ZFAT: variants seen among roughly 807,000 people sequenced by gnomAD.
ZFAT encodes the protein zinc finger protein ZFAT.
A neutral mutation model predicts 117.7 loss-of-function variants in ZFAT; 64 were observed. That is an observed-to-expected ratio of 0.54 (90% confidence interval 0.44 to 0.67). The LOEUF (loss-of-function observed/expected upper bound fraction) is 0.67, where lower values mean the gene tolerates loss of function less well. Ranked by LOEUF, ZFAT falls within the 30% of genes least tolerant of loss-of-function variation. The probability of loss-of-function intolerance (pLI) is 0.00; values close to 1 mark genes in which losing one functional copy is unlikely to be tolerated. For missense variants in ZFAT, 1,433 were observed against 1,584.5 expected (o/e 0.90, Z 1.62); for synonymous variants, 679 against 615.0 (o/e 1.10, Z -1.54).
At chr8:134,752,010 A>G in the ZFAT span, among the ~76,000 whole-genome samples, 1 of 152,152 alleles carries the variant, frequency 6.6e-6, no homozygotes, top group East Asian at 1.9e-4. Flanking sequence ...CCCTGGACAC[A>G]TTTCTTTTTT....
the ZFAT span, chr8:134,791,979 T>C: frequency 6.6e-6 from 1 of 152,170 alleles, no homozygotes; most frequent in Admixed American, 6.6e-5. Context: ...TGATACACTT[T>C]GAAGAGCAGA....
the ZFAT span, among the ~76,000 whole-genome samples, chr8:134,829,381 T>G: frequency 6.6e-6 from 1 of 152,230 alleles, no homozygotes; most frequent in East Asian, 1.9e-4. Flanking sequence ...TTAAATGATA[T>G]GGGATAAATC....
At chr8:134,519,627 T>G (rs770168633) in intron 13 of ZFAT, among the ~76,000 whole-genome samples, 2 of 152,250 alleles carry the variant, frequency 1.3e-5, no homozygotes, top group Non-Finnish European at 2.9e-5. Flanking sequence ...ATTATATGTA[T>G]AGAGAGATAC....
rs181007517 is a variant in ZFAT, at chr8:134,540,275, G to A, written c.2977-7303C>T. On this transcript the variant is annotated intron_variant, in intron 11 of 15. Coordinates refer to ENST00000377838, the MANE Select transcript of ZFAT (RefSeq NM_020863.4). ...GTAGGTGGGAGGATCAGGGGAGTGT[G>A]GAGTCTGGAACTCGATCTCCTTCCT... Among the ~76,000 whole-genome samples, 29 of 152,280 alleles carry A rather than the reference G, an allele frequency of 1.9e-4. No individual in the cohort carries two copies. The East Asian group carries it at 5.4e-3, about 28-fold the overall frequency.
chr8:134,584,959 G>C (rs571132749), intron 9 of ZFAT, among the ~76,000 whole-genome samples: 8 of 152,324 alleles, frequency 5.3e-5, no homozygotes, highest in African/African-American at 1.7e-4. Context: ...GCAGAGCTGA[G>C]TTGCACATTG....
chr8:134,634,579 A>G (rs1233406287), intron 3 of ZFAT, among the ~76,000 whole-genome samples: 1 of 149,982 alleles, frequency 6.7e-6, no homozygotes, highest in Non-Finnish European at 1.5e-5. Flanking sequence ...ACAAATATGT[A>G]TACATATTGA....
chr8:134,529,024 C>T (rs780911312), intron 12 of ZFAT, among the ~76,000 whole-genome samples: 10 of 152,330 alleles, frequency 6.6e-5, no homozygotes, highest in Non-Finnish European at 1.5e-4. Context: ...AGAATGATAT[C>T]TAATCTTTGC....
At chr8:134,571,899 G>C (rs1265183560) in intron 10 of ZFAT, among the ~76,000 whole-genome samples, 1 of 152,202 alleles carries the variant, frequency 6.6e-6, no homozygotes, top group Admixed American at 6.5e-5. Context: ...TTTTTGGAAA[G>C]GAAGTTGGCA....
chr8:134,697,442 C>G (rs1833895205), intron 1 of ZFAT, among the ~76,000 whole-genome samples: 1 of 148,862 alleles, frequency 6.7e-6, no homozygotes, highest in South Asian at 2.2e-4. Context: ...GAAGGGGTTT[C>G]ACCAGCCTGG....
In ZFAT at chr8:134,527,975, G is replaced by A. The variant is rs145123360; in HGVS notation, c.3115+4859C>T. 3.3e-5 allele frequency among the ~76,000 whole-genome samples: 5 copies of A among 152,292 alleles called. No individual in the cohort carries two copies. In the East Asian group the frequency reaches 9.6e-4, roughly 29 times the overall value. ...TGGGTCAGATTAGCAATTAGCCTCGGGGATGAAGAAATAAGAGAAAATAAA... is the reference window on the plus strand; with the variant it reads ...TGGGTCAGATTAGCAATTAGCCTCGAGGATGAAGAAATAAGAGAAAATAAA... On this transcript the variant is annotated intron_variant, in intron 12 of 15. Coordinates refer to ENST00000377838, the MANE Select transcript of ZFAT (RefSeq NM_020863.4).
intron 1 of ZFAT, among the ~76,000 whole-genome samples, chr8:134,663,352 GA>G (rs1832037299): frequency 6.6e-6 from 1 of 152,216 alleles, no homozygotes. Context: ...TATTTGGTAT[GA>G]ATACAATTTT....
intron 1 of ZFAT, among the ~76,000 whole-genome samples, chr8:134,699,128 C>T (rs981359390): frequency 6.6e-6 from 1 of 152,124 alleles, no homozygotes; most frequent in African/African-American, 2.4e-5. Context: ...TTGCCCCTCA[C>T]CCCCTCCCCG....
At chr8:134,553,477 T>C (rs1480377290) in intron 11 of ZFAT, among the ~76,000 whole-genome samples, 1 of 152,200 alleles carries the variant, frequency 6.6e-6, no homozygotes, top group Non-Finnish European at 1.5e-5. Context: ...CACTACAGCC[T>C]GGGCAACAGA....
At chr8:134,771,944 C>T in the ZFAT span, among the ~76,000 whole-genome samples, 18 of 152,166 alleles carry the variant, frequency 1.2e-4, no homozygotes, top group Admixed American at 9.2e-4. Context: ...TTCAGTGAAA[C>T]TCCCCTTTTT....
At chr8:134,742,947 G>A in the ZFAT span, among the ~76,000 whole-genome samples, 4 of 152,290 alleles carry the variant, frequency 2.6e-5, no homozygotes, top group Admixed American at 2.0e-4. Flanking sequence ...TTCAGTGCAC[G>A]CCCCAAGTGT....
the ZFAT span, among the ~76,000 whole-genome samples, chr8:134,816,610 G>A: frequency 6.6e-6 from 1 of 152,176 alleles, no homozygotes; most frequent in Admixed American, 6.5e-5. Context: ...CTAGTCATAT[G>A]AGTTTAATAA....
At chr8:134,801,893 C>G in the ZFAT span, among the ~76,000 whole-genome samples, 1 of 152,102 alleles carries the variant, frequency 6.6e-6, no homozygotes, top group Non-Finnish European at 1.5e-5. Flanking sequence ...AAAGCATGGG[C>G]CTAGAGGAGC....
chr8:134,553,364 G>A (rs183417531), intron 11 of ZFAT, among the ~76,000 whole-genome samples: 2 of 152,252 alleles, frequency 1.3e-5, no homozygotes, highest in South Asian at 2.1e-4. Flanking sequence ...TTAGCCGGGC[G>A]CGGTGGCAGG....
intron 5 of ZFAT, among the ~76,000 whole-genome samples, chr8:134,605,907 C>G (rs1297885804): frequency 2.0e-5 from 3 of 152,156 alleles, no homozygotes. Context: ...AGTAAGCAGA[C>G]AAGGACCATC....
Sources: allele counts gnomAD v4.1 joint callset (sites outside exome capture counted in the v4.1 genomes callset), GRCh38; gene constraint gnomAD v4.1.1; transcripts MANE v1.5; gene names NCBI Gene and HGNC (gene_info 2026-07-23, HGNC 2026-07-21).